RNF214: variants seen among roughly 807,000 people sequenced by gnomAD.
The protein encoded by RNF214 is ring finger protein 214.
Under a neutral mutation model 75.9 loss-of-function variants are expected in RNF214, and 25 were observed. That is an observed-to-expected ratio of 0.33 (90% confidence interval 0.24 to 0.46). The LOEUF (loss-of-function observed/expected upper bound fraction) is 0.46, where lower values mean the gene tolerates loss of function less well. Ranked by LOEUF, RNF214 falls within the 20% of genes least tolerant of loss-of-function variation. The probability of loss-of-function intolerance (pLI) is 1.00; values close to 1 mark genes in which losing one functional copy is unlikely to be tolerated. For missense variants in RNF214, 725 were observed against 857.5 expected, an observed-to-expected ratio of 0.85 and a Z score of 1.93; for synonymous variants, 314 against 308.8, an observed-to-expected ratio of 1.02 and a Z score of -0.18.
In RNF214 at chr11:117,249,911, C is replaced by T. The variant is rs537606772; in HGVS notation, c.959+2963C>T. 7.9e-5 allele frequency among the ~76,000 whole-genome samples: 12 copies of T among 152,252 alleles called. No homozygotes were observed. The East Asian group carries it at 1.3e-3, about 17-fold the overall frequency. On this transcript the variant is annotated intron_variant, in intron 6 of 14. Coordinates refer to ENST00000300650, the MANE Select transcript of RNF214 (RefSeq NM_207343.4). The stretch of plus-strand genomic sequence containing the variant: ...ACACTGGGGTTAGGGCTTCAAGATA[C>T]GAGTTTTAAGGGGCACAATTCAGTC...
chr11:117,254,632 T>C (rs557143287), intron 6 of RNF214, among the ~76,000 whole-genome samples: 1 of 151,966 alleles, frequency 6.6e-6, no homozygotes, highest in African/African-American at 2.4e-5. Flanking sequence ...TCTTCTTCTT[T>C]TTTTTTTTTG....
chr11:117,262,578 C>T (rs1319624850), intron 6 of RNF214, among the ~76,000 whole-genome samples: 1 of 151,652 alleles, frequency 6.6e-6, no homozygotes, highest in Non-Finnish European at 1.5e-5. Context: ...TACAGGGTCT[C>T]GCTATATTGT....
intron 6 of RNF214, among the ~76,000 whole-genome samples, chr11:117,270,730 G>A (rs2033894015): frequency 6.6e-6 from 1 of 152,154 alleles, no homozygotes; most frequent in Non-Finnish European, 1.5e-5. Flanking sequence ...TTACAGGCAT[G>A]AGCCACCTCA....
At chr11:117,263,574 GA>G (rs1380926818) in intron 6 of RNF214, among the ~76,000 whole-genome samples, 3 of 151,922 alleles carry the variant, frequency 2.0e-5, no homozygotes, top group Non-Finnish European at 2.9e-5. Context: ...GCACCCAGCA[GA>G]AAAAAAATTT....
chr11:117,282,525 G>T lies in RNF214; in HGVS notation c.1834G>T (p.Ala612Ser). Reference protein sequence around the residue: ...ARLAEHERVAASTQPLGRIRA... With the variant: ...ARLAEHERVASSTQPLGRIRA... Reference sequence around the variant, plus strand: ...ACTGGCAGAACATGAGCGGGTGGCAGCAAGTACTCAGGTGAGAAAAGCCAC... The same window carrying T: ...ACTGGCAGAACATGAGCGGGTGGCATCAAGTACTCAGGTGAGAAAAGCCAC... Residue 612 changes from alanine to serine, a missense_variant, in exon 12 of 15, where the codon GCA becomes TCA. By Grantham distance (99) the Ala-to-Ser change is moderately conservative. Transcript: ENST00000300650. 1 of 1,614,012 alleles carries T rather than the reference G, an allele frequency of 6.2e-7. No homozygotes were observed. Among genetic ancestry groups the T allele is most frequent in the Admixed American group, 1.7e-5 (1 of 59,984 alleles).
At chr11:117,234,705 A>G (rs1237704621) in intron 2 of RNF214, among the ~76,000 whole-genome samples, 1 of 152,372 alleles carries the variant, frequency 6.6e-6, no homozygotes, top group East Asian at 1.9e-4. Flanking sequence ...ATGTTATATC[A>G]GTATGTGTAC....
At position 117,246,764 on chromosome 11, in the gene RNF214, AT is replaced by A. The variant is rs747582793; in HGVS notation, c.820-41del. 2.0e-6 allele frequency: 3 copies of A among 1,472,768 alleles called. No individual in the cohort carries two copies. The East Asian group carries it at 6.9e-5, about 34-fold the overall frequency. 91.2% of individuals were successfully genotyped at this position (1,472,768 alleles called of 1,614,324 possible). A position where few individuals can be genotyped will look rare whatever the true frequency, so the allele number is the denominator to read the frequency against. ...ACCTTTGCATCAAAAGAACTAACTTATTTTCTTTTTTATTTGTGTGCGACTG... is the reference window on the plus strand; with the variant it reads ...ACCTTTGCATCAAAAGAACTAACTTATTTCTTTTTTATTTGTGTGCGACTG... On this transcript the variant is annotated intron_variant, in intron 5 of 14. Coordinates refer to ENST00000300650, the MANE Select transcript of RNF214 (RefSeq NM_207343.4).
intron 6 of RNF214, among the ~76,000 whole-genome samples, chr11:117,271,563 C>T (rs1465046658): frequency 6.6e-6 from 1 of 152,222 alleles, no homozygotes; most frequent in Non-Finnish European, 1.5e-5. Context: ...AAATCTGTCC[C>T]TGGTACTCCA....
chr11:117,282,260 C>T lies in RNF214; in HGVS notation c.1702C>T (p.Gln568Ter). 1 of 1,593,766 alleles carries T rather than the reference C, an allele frequency of 6.3e-7. No individual in the cohort carries two copies. Among genetic ancestry groups the T allele is most frequent in the African/African-American group, 1.3e-5 (1 of 74,514 alleles). Reference protein sequence around the residue: ...ILEKLLTRFPQCNKAQMTNIL... With the variant: ...ILEKLLTRFP ...GGAGAAGCTGCTGACCCGGTTCCCACAGTGCAATAAGTAAGTACCTTCAAG... is the reference window on the plus strand; with the variant it reads ...GGAGAAGCTGCTGACCCGGTTCCCATAGTGCAATAAGTAAGTACCTTCAAG... Residue 568 changes from glutamine (Q) to a stop codon, truncating the protein, a stop_gained, in exon 11 of 15, where the codon CAG (glutamine) becomes TAG (stop). Coordinates refer to ENST00000300650, the MANE Select transcript of RNF214 (RefSeq NM_207343.4). LOFTEE classifies it high-confidence loss of function.
At chr11:117,239,611 G>T in intron 3 of RNF214, 190 bp from the exon 4 acceptor site, 2 of 582,754 alleles carry the variant, frequency 3.4e-6, no homozygotes. Context: ...GTTATTTTGT[G>T]GGACCGATGA....
intron 6 of RNF214, among the ~76,000 whole-genome samples, chr11:117,255,711 C>T (rs2033504974): frequency 1.3e-5 from 2 of 151,894 alleles, no homozygotes; most frequent in Non-Finnish European, 2.9e-5. Flanking sequence ...CTACACCCAG[C>T]CTCTTGTATA....
intron 14 of RNF214, 125 bp downstream of exon 14, chr11:117,283,335 G>A (rs2034167883): frequency 1.5e-6 from 1 of 665,620 alleles, no homozygotes; most frequent in Admixed American, 2.8e-5. Context: ...TTACTGTGTT[G>A]GTGCTCATCA....
At chr11:117,281,564 C>T (rs370777404) in intron 9 of RNF214, 36 bp from the exon 10 acceptor site, 4 of 1,506,768 alleles carry the variant, frequency 2.7e-6, no homozygotes, top group South Asian at 2.3e-5. Flanking sequence ...GAGCCTGAGT[C>T]AGTTCAGCAG....
At chr11:117,239,188 TTG>T in intron 3 of RNF214, 77 bp downstream of exon 3, 8 of 1,434,430 alleles carry the variant, frequency 5.6e-6, no homozygotes, top group Non-Finnish European at 7.5e-6. Flanking sequence ...TTCTTCATAT[TTG>T]GTGGAGAACT....
intron 5 of RNF214, 21 bp downstream of exon 5, chr11:117,244,606 T>C: frequency 1.9e-6 from 3 of 1,578,196 alleles, no homozygotes; most frequent in Non-Finnish European, 2.6e-6. Context: ...TATATTGAAA[T>C]TGTCAATGAG....
intron 6 of RNF214, among the ~76,000 whole-genome samples, chr11:117,267,944 A>T (rs528438557): frequency 5.3e-5 from 8 of 152,342 alleles, no homozygotes; most frequent in African/African-American, 1.9e-4. Context: ...CAGTTTTATT[A>T]TTGAATAAAC....
At chr11:117,233,721 T>C (rs2134347197) in intron 1 of RNF214, among the ~76,000 whole-genome samples, 1 of 152,340 alleles carries the variant, frequency 6.6e-6, no homozygotes, top group South Asian at 2.1e-4. Context: ...ATCAGGCCTT[T>C]CCCATCTGTG....
intron 6 of RNF214, among the ~76,000 whole-genome samples, chr11:117,270,754 A>G (rs2033894609): frequency 6.6e-6 from 1 of 150,688 alleles, no homozygotes; most frequent in African/African-American, 2.4e-5. Context: ...AGCCTAATTT[A>G]TTTTTATTTT....
intron 5 of RNF214, among the ~76,000 whole-genome samples, chr11:117,246,280 T>TA (rs113697922): frequency 0.054 from 7,828 of 143,894 alleles, 312 homozygotes; most frequent in East Asian, 0.17. Flanking sequence ...ACTTCTTATT[T>TA]AAAAAAAAAA....
Sources: gnomAD v4.1 joint callset for allele counts (sites outside exome capture counted in the v4.1 genomes callset) on GRCh38, gnomAD v4.1.1 for gene constraint, MANE v1.5 for transcripts, NCBI Gene and HGNC (gene_info 2026-07-23, HGNC 2026-07-21) for gene names.